The following BNC2 variants were observed in gnomAD, a reference collection of about 807,000 sequenced individuals.
BNC2 encodes the protein basonuclin zinc finger protein 2, also known as zinc finger protein basonuclin-2.
A neutral mutation model predicts 76.3 loss-of-function variants in BNC2; 20 were observed. That is an observed-to-expected ratio of 0.26 (90% CI 0.18 to 0.38). The LOEUF (loss-of-function observed/expected upper bound fraction) is 0.38, where lower values mean the gene tolerates loss of function less well. BNC2 is among the 10% of genes least tolerant of loss of function. The probability of loss-of-function intolerance (pLI) is 1.00; values close to 1 mark genes in which losing one functional copy is unlikely to be tolerated. For synonymous variants in BNC2, 582 were observed against 514.8 expected (o/e 1.13, Z -1.77); for missense variants, 1,382 against 1,399.8 (o/e 0.99, Z 0.20).
chr9:16,815,563 T>C (rs544344293), intron 1 of BNC2, among the ~76,000 whole-genome samples: 187 of 152,220 alleles, frequency 1.2e-3, no homozygotes, highest in African/African-American at 3.8e-3. Flanking sequence ...GATGATAGAG[T>C]TCAGCCTTTG....
intron 2 of BNC2, among the ~76,000 whole-genome samples, chr9:16,737,886 T>C (rs928449017): frequency 6.6e-6 from 1 of 152,142 alleles, no homozygotes; most frequent in African/African-American, 2.4e-5. Context: ...CTCCATCTAG[T>C]TGGTGGTCCT....
At chr9:16,863,785 A>G (rs1025352197) in intron 1 of BNC2, among the ~76,000 whole-genome samples, 4 of 152,216 alleles carry the variant, frequency 2.6e-5, no homozygotes, top group African/African-American at 9.6e-5. Context: ...CTTTACAGGG[A>G]TTTGGCAATA....
chr9:16,446,681 G>A (rs1821238267), intron 5 of BNC2, among the ~76,000 whole-genome samples: 1 of 152,094 alleles, frequency 6.6e-6, no homozygotes. Context: ...GTTACAGAAT[G>A]TTCTTGATTA....
chr9:16,556,868 T>C (rs1818850835), intron 4 of BNC2, among the ~76,000 whole-genome samples: 1 of 152,202 alleles, frequency 6.6e-6, no homozygotes, highest in Non-Finnish European at 1.5e-5. Flanking sequence ...CAAAATTTTC[T>C]GCTTTATAAT....
intron 1 of BNC2, among the ~76,000 whole-genome samples, chr9:16,798,900 T>C (rs185047667): frequency 6.6e-6 from 1 of 152,170 alleles, no homozygotes; most frequent in Admixed American, 6.5e-5. Context: ...TAAACACAAT[T>C]GCTGACTTTG....
intron 3 of BNC2, among the ~76,000 whole-genome samples, chr9:16,721,287 T>G (rs1382851566): frequency 6.6e-6 from 1 of 152,184 alleles, no homozygotes. Context: ...TGTGAGGATA[T>G]AAAGGCTGTT....
At chr9:16,499,526 TTTTC>T (rs1419961610) in intron 5 of BNC2, among the ~76,000 whole-genome samples, 1 of 130,442 alleles carries the variant, frequency 7.7e-6, no homozygotes. Flanking sequence ...ATATCTTTTT[TTTTC>T]TTTTTTTTTT....
intron 3 of BNC2, among the ~76,000 whole-genome samples, chr9:16,723,003 T>C (rs527403894): frequency 4.7e-4 from 71 of 152,308 alleles, no homozygotes; most frequent in Non-Finnish European, 7.5e-4. Context: ...TTTGAATATA[T>C]GTCTATTGTT....
intron 3 of BNC2, among the ~76,000 whole-genome samples, chr9:16,613,982 A>G (rs10756765): frequency 0.87 from 132,658 of 152,226 alleles, 58,961 homozygotes; most frequent in East Asian, 0.98. Flanking sequence ...TAACAGCCAC[A>G]AAAGAAAGGA....
rs190709479 is a variant in BNC2, at chr9:16,765,180, T to C, written c.4-26695A>G. On this transcript the variant is annotated intron_variant, in intron 1 of 6. Transcript: ENST00000380672. ...ATTTGAGGGATTTTTGTCTCTAATA[T>C]GGTAAACATACACAAAGAGACAGTC... is the stretch of plus-strand genomic sequence containing the variant. 1.7e-3 allele frequency among the ~76,000 whole-genome samples: 255 copies of C among 152,304 alleles called. 1 individual carries two copies. The highest frequency in any genetic ancestry group is 5.8e-3 in the African/African-American group (240 of 41,574).
intron 4 of BNC2, among the ~76,000 whole-genome samples, chr9:16,580,327 C>T (rs1026041057): frequency 1.6e-4 from 24 of 152,060 alleles, no homozygotes; most frequent in African/African-American, 5.8e-4. Flanking sequence ...GAGCTGTATA[C>T]AGATATCTCC....
intron 5 of BNC2, among the ~76,000 whole-genome samples, chr9:16,494,740 T>C (rs1020520713): frequency 6.6e-6 from 1 of 151,944 alleles, no homozygotes; most frequent in African/African-American, 2.4e-5. Context: ...AGGGTTTTGA[T>C]CAAGATTTGG....
intron 5 of BNC2, among the ~76,000 whole-genome samples, chr9:16,455,893 T>C (rs1006772571): frequency 6.6e-6 from 1 of 152,230 alleles, no homozygotes. Flanking sequence ...GCATTTGTTA[T>C]TTCCAAATCT....
At chr9:16,610,265 G>A (rs1330658291) in intron 3 of BNC2, among the ~76,000 whole-genome samples, 17 of 152,122 alleles carry the variant, frequency 1.1e-4, no homozygotes, top group Non-Finnish European at 2.9e-5. Context: ...TCATAGAGTG[G>A]CATTTGGGAG....
At chr9:16,798,692 A>C (rs1003768231) in intron 1 of BNC2, among the ~76,000 whole-genome samples, 1 of 152,204 alleles carries the variant, frequency 6.6e-6, no homozygotes, top group Admixed American at 6.5e-5. Flanking sequence ...ATTCTCCACT[A>C]AACTACGTAG....
rs1820473926 is a variant in BNC2 at position 16,412,125 on chromosome 9, A to G, written c.*6864T>C. ...AAAGCTCCCTGTACTTGTACTTACC[A>G]AAGTTCTTCAAAGTGGAGAATTTAC... On this transcript the variant is annotated 3_prime_UTR_variant, in exon 7 of 7. Transcript: ENST00000380672. The G allele has an allele frequency of 1.3e-5, 2 of 152,708 alleles. No homozygotes were observed. The highest frequency in any genetic ancestry group is 4.1e-4 in the South Asian group (2 of 4,822). 9.5% of individuals were successfully genotyped at this position (152,708 alleles called of 1,614,324 possible).
intron 3 of BNC2, among the ~76,000 whole-genome samples, chr9:16,635,755 T>A (rs1821304286): frequency 6.6e-6 from 1 of 152,218 alleles, no homozygotes; most frequent in South Asian, 2.1e-4. Flanking sequence ...ACTCAACAGA[T>A]AAGCTACAGA....
intron 6 of BNC2, 92 bp downstream of exon 6, chr9:16,435,463 C>T: frequency 1.4e-5 from 20 of 1,461,788 alleles, no homozygotes; most frequent in Non-Finnish European, 1.9e-5. Context: ...CCAAAAACAT[C>T]TAAGTTGGAT....
intron 5 of BNC2, among the ~76,000 whole-genome samples, chr9:16,452,274 G>C (rs1207681221): frequency 2.0e-5 from 3 of 152,102 alleles, no homozygotes; most frequent in Non-Finnish European, 2.9e-5. Flanking sequence ...ACATTTTCTT[G>C]ATCAAAGGTA....
Sources: gnomAD v4.1 joint callset for allele counts (sites outside exome capture counted in the v4.1 genomes callset) on GRCh38, gnomAD v4.1.1 for gene constraint, MANE v1.5 for transcripts, NCBI Gene and HGNC (gene_info 2026-07-23, HGNC 2026-07-21) for gene names.